The following SMC4 variants were observed in gnomAD, a reference collection of about 807,000 sequenced individuals.
SMC4 encodes the protein structural maintenance of chromosomes protein 4.
Under a neutral mutation model 145.6 loss-of-function variants are expected in SMC4, and 87 were observed. That is an observed-to-expected ratio of 0.60 (90% CI 0.50 to 0.71). The LOEUF (loss-of-function observed/expected upper bound fraction) is 0.71, where lower values mean the gene tolerates loss of function less well. Ranked by LOEUF, SMC4 falls within the 30% of genes least tolerant of loss-of-function variation. The probability of loss-of-function intolerance (pLI) is 0.00; values close to 1 mark genes in which losing one functional copy is unlikely to be tolerated. For synonymous variants in SMC4, 558 were observed against 500.7 expected, an observed-to-expected ratio of 1.11 and a Z score of -1.53; for missense variants, 1,447 against 1,537.1, an observed-to-expected ratio of 0.94 and a Z score of 0.98.
intron 17 of SMC4, among the ~76,000 whole-genome samples, chr3:160,427,079 A>G (rs991612740): frequency 1.3e-5 from 2 of 152,236 alleles, no homozygotes; most frequent in Non-Finnish European, 1.5e-5. Context: ...CATTTCCACA[A>G]TGCATATCAA....
At chr3:160,431,586 A>G (rs1718410844) in intron 20 of SMC4, 57 bp from the exon 21 acceptor site, 3 of 1,269,834 alleles carry the variant, frequency 2.4e-6, no homozygotes, top group African/African-American at 1.5e-5. Context: ...TTTTTTAAAC[A>G]ATGAATTGTA....
At chr3:160,410,763 TATG>T (rs1715898321) in intron 5 of SMC4, among the ~76,000 whole-genome samples, 1 of 152,228 alleles carries the variant, frequency 6.6e-6, no homozygotes, top group South Asian at 2.1e-4. Context: ...TTTGGTGAAT[TATG>T]ATGCTCTCAT....
intron 13 of SMC4, among the ~76,000 whole-genome samples, chr3:160,422,490 C>G (rs1252056048): frequency 6.6e-6 from 1 of 152,096 alleles, no homozygotes; most frequent in African/African-American, 2.4e-5. Context: ...TGTTATCTTC[C>G]TTGGAGAAAT....
intron 11 of SMC4, among the ~76,000 whole-genome samples, chr3:160,418,805 CAG>C (rs1341562706): frequency 3.3e-5 from 5 of 151,976 alleles, no homozygotes; most frequent in South Asian, 4.2e-4. Context: ...GATTGAGAAA[CAG>C]AGGTTGTGTT....
chr3:160,413,876 C>G (rs1244134661), intron 8 of SMC4: 2 of 317,052 alleles, frequency 6.3e-6, no homozygotes, highest in Non-Finnish European at 1.2e-5. Flanking sequence ...TTTGGCTTCA[C>G]AGTTTAATCT....
chr3:160,432,169 T>C lies in SMC4; in HGVS notation c.3298-114T>C, dbSNP rs987435464. 4.8e-6 allele frequency: 4 copies of C among 834,394 alleles called. No homozygotes were observed. The Admixed American group carries it at 1.1e-4, about 23-fold the overall frequency. 51.7% of individuals were successfully genotyped at this position (834,394 alleles called of 1,614,324 possible). A position where few individuals can be genotyped will look rare whatever the true frequency, so the allele number is the denominator to read the frequency against. On this transcript the variant is annotated intron_variant, in intron 21 of 23. Transcript: ENST00000357388. ...GTGAGCCGAGATCGCGCCATTGCAC[T>C]CCAGCCTGGGCGTCAGGGCAAGACT...
intron 8 of SMC4, chr3:160,413,999 CTAAT>C (rs748674249): frequency 8.4e-5 from 28 of 334,224 alleles, no homozygotes; most frequent in East Asian, 2.8e-4. Context: ...ACTAGTATCT[CTAAT>C]TATTTTTAAA....
At chr3:160,423,090 T>C (rs1384886248) in intron 13 of SMC4, among the ~76,000 whole-genome samples, 1 of 152,160 alleles carries the variant, frequency 6.6e-6, no homozygotes, top group East Asian at 1.9e-4. Flanking sequence ...CTTTATCATA[T>C]TGACTGTTCT....
intron 18 of SMC4, among the ~76,000 whole-genome samples, chr3:160,429,263 A>G (rs865979571): frequency 6.6e-6 from 1 of 152,188 alleles, no homozygotes; most frequent in African/African-American, 2.4e-5. Flanking sequence ...TTAAATAGAT[A>G]CAGGCCTTAA....
chr3:160,402,037 G>A lies in SMC4; in HGVS notation c.262G>A (p.Val88Ile). 1 of 1,591,442 alleles carries A rather than the reference G, an allele frequency of 6.3e-7. No homozygotes were observed. The highest frequency in any genetic ancestry group is 1.2e-5 in the South Asian group (1 of 86,578). Residue 88 changes from valine to isoleucine, a missense_variant, in exon 3 of 24, where the codon GTA (valine) becomes ATA (isoleucine). Val to Ile is a conservative substitution (Grantham distance 29). Coordinates refer to ENST00000357388, the MANE Select transcript of SMC4 (RefSeq NM_001002800.3). The stretch of plus-strand genomic sequence containing the variant: ...TCCTCGGCTTATGATAACTCATATT[G>A]TAAACCAGAACTTCAAATCCTATGC... ...GAPRLMITHIVNQNFKSYAGE... is the reference protein window; with the variant it reads ...GAPRLMITHIINQNFKSYAGE...
At chr3:160,400,769 C>A in intron 1 of SMC4, 53 bp from the exon 2 acceptor site, 1 of 1,426,732 alleles carries the variant, frequency 7.0e-7, no homozygotes, top group Non-Finnish European at 9.1e-7. Flanking sequence ...GTGGGGCGGG[C>A]GCGGTGTAGC....
intron 15 of SMC4, 62 bp from the exon 16 acceptor site, chr3:160,424,805 T>G (rs1249355092): frequency 1.3e-6 from 2 of 1,595,294 alleles, no homozygotes; most frequent in Non-Finnish European, 1.7e-6. Flanking sequence ...AGTTTTAGTT[T>G]TCTTCGTAAG....
chr3:160,418,447 G>A (rs926785430), intron 11 of SMC4, among the ~76,000 whole-genome samples: 3 of 151,996 alleles, frequency 2.0e-5, no homozygotes, highest in Admixed American at 6.6e-5. Context: ...AAGGAATTTC[G>A]TAAACTTTAA....
At chr3:160,403,404 G>A (rs1275472622) in intron 4 of SMC4, among the ~76,000 whole-genome samples, 1 of 151,982 alleles carries the variant, frequency 6.6e-6, no homozygotes, top group Admixed American at 6.6e-5. Context: ...GACAACTAGA[G>A]GTAAAATGTC....
chr3:160,413,603 G>C lies in SMC4; in HGVS notation c.1111G>C (p.Asp371His). 2.2e-6 allele frequency: 3 copies of C among 1,391,876 alleles called. No individual in the cohort carries two copies. Among genetic ancestry groups the C allele is most frequent in the South Asian group, 1.3e-5 (1 of 79,216 alleles). The allele number at this position is 1,391,876 out of a possible 1,614,324, so 86.2% of individuals were successfully genotyped here. ...EMKAKNKDVKDTEKKLNKITK... is the reference protein window; with the variant it reads ...EMKAKNKDVKHTEKKLNKITK... ...GAAAGCTAAGAATAAAGATGTAAAA[G>C]ATACAGAAAAGTAATAATATTTTGG... The change falls in exon 8 of 24, where the codon GAT (aspartate) becomes CAT (histidine). Residue 371 changes from aspartate (D) to histidine (H), a missense_variant. Physicochemically the swap from Asp to His is moderately conservative, Grantham distance 81. Coordinates refer to ENST00000357388, the MANE Select transcript of SMC4 (RefSeq NM_001002800.3).
chr3:160,399,968 A>G lies in SMC4; in HGVS notation c.-6+219A>G, dbSNP rs1051439469. 8.5e-5 allele frequency: 13 copies of G among 152,048 alleles called. No homozygotes were observed. The East Asian group carries it at 2.1e-3, about 25-fold the overall frequency. 9.4% of individuals were successfully genotyped at this position (152,048 alleles called of 1,614,324 possible). A position where few individuals can be genotyped will look rare whatever the true frequency, so the allele number is the denominator to read the frequency against. ...GGGCGCCACTTTTCCAAGCTACTCA[A>G]ATGTCTCGGGGAGGCCCTGAGCCTC... On this transcript the variant is annotated intron_variant, in intron 1 of 23. Coordinates refer to ENST00000357388, the MANE Select transcript of SMC4 (RefSeq NM_001002800.3).
chr3:160,404,434 T>G lies in SMC4; in HGVS notation c.617T>G (p.Phe206Cys). Reference sequence around the variant, plus strand: ...CACATAAGTGGAAAGAAAAAGACATTTAAGGATGTTGGAAATCTTCTTCGA... The same window carrying G: ...CACATAAGTGGAAAGAAAAAGACATGTAAGGATGTTGGAAATCTTCTTCGA... ...VYHISGKKKT[F>C]KDVGNLLRSH... is the part of the protein sequence containing the mutation. The change falls in exon 5 of 24, where the codon TTT becomes TGT. Residue 206 changes from phenylalanine to cysteine, a missense_variant. By Grantham distance (205) the Phe-to-Cys change is radical. Coordinates refer to ENST00000357388, the MANE Select transcript of SMC4 (RefSeq NM_001002800.3). 3 of 1,612,128 alleles carry G rather than the reference T, an allele frequency of 1.9e-6. No individual in the cohort carries two copies. Among genetic ancestry groups the G allele is most frequent in the Non-Finnish European group, 2.5e-6 (3 of 1,179,292 alleles).
At chr3:160,420,692 C>T in intron 12 of SMC4, 48 bp from the exon 13 acceptor site, 1 of 1,587,626 alleles carries the variant, frequency 6.3e-7, no homozygotes, top group Non-Finnish European at 8.6e-7. Flanking sequence ...TGAAATGGTC[C>T]TGTGCTTTTC....
intron 13 of SMC4, among the ~76,000 whole-genome samples, chr3:160,421,768 G>A (rs1717202953): frequency 6.6e-6 from 1 of 152,102 alleles, no homozygotes; most frequent in South Asian, 2.1e-4. Context: ...TCATTTTAAA[G>A]TATGTAATTT....
Sources: allele counts gnomAD v4.1 joint callset (sites outside exome capture counted in the v4.1 genomes callset), GRCh38; gene constraint gnomAD v4.1.1; transcripts MANE v1.5; gene names NCBI Gene and HGNC (gene_info 2026-07-23, HGNC 2026-07-21).